Variants in CAMTA1 observed in about 807,000 individuals in gnomAD.
CAMTA1 encodes the protein calmodulin-binding transcription activator 1.
A neutral mutation model predicts 170.9 loss-of-function variants in CAMTA1; 27 were observed. That is an observed-to-expected ratio of 0.16 (90% CI 0.12 to 0.22). CAMTA1 has a LOEUF of 0.22. Among genes scored for constraint, CAMTA1 ranks in the 10% least tolerant of loss-of-function variants. CAMTA1 has a pLI of 1.00. For synonymous variants in CAMTA1, 833 were observed against 891.5 expected, an observed-to-expected ratio of 0.93 and a Z score of 1.17; for missense variants, 1,619 against 2,217.2, an observed-to-expected ratio of 0.73 and a Z score of 5.42.
chr1:7,380,044 C>T (rs1047710988), intron 5 of CAMTA1, among the ~76,000 whole-genome samples: 5 of 152,228 alleles, frequency 3.3e-5, no homozygotes, highest in African/African-American at 1.2e-4. Flanking sequence ...GTGCTGAAGA[C>T]AGGGTCTGCA....
chr1:7,206,771 C>A (rs979030029), intron 4 of CAMTA1, among the ~76,000 whole-genome samples: 4 of 152,212 alleles, frequency 2.6e-5, no homozygotes, highest in African/African-American at 9.6e-5. Flanking sequence ...TTTTTACCAA[C>A]ATTAGCTATT....
At chr1:7,118,454 G>T (rs1209997112) in intron 4 of CAMTA1, among the ~76,000 whole-genome samples, 1 of 151,578 alleles carries the variant, frequency 6.6e-6, no homozygotes, top group East Asian at 1.9e-4. Flanking sequence ...CACCATGCCT[G>T]GCTAATTAAA....
intron 4 of CAMTA1, among the ~76,000 whole-genome samples, chr1:7,192,011 C>G (rs1210764109): frequency 6.6e-6 from 1 of 151,014 alleles, no homozygotes; most frequent in Non-Finnish European, 1.5e-5. Flanking sequence ...AGATCCTCTT[C>G]CATTAGCTTG....
chr1:7,724,555 G>A (rs892458264), intron 11 of CAMTA1, among the ~76,000 whole-genome samples: 1 of 152,154 alleles, frequency 6.6e-6, no homozygotes, highest in African/African-American at 2.4e-5. Flanking sequence ...TGTATGGGCC[G>A]GGCGCGGTGG....
At chr1:6,847,543 G>T (rs964062085) in intron 3 of CAMTA1, among the ~76,000 whole-genome samples, 35 of 138,294 alleles carry the variant, frequency 2.5e-4, no homozygotes, top group South Asian at 4.7e-4. Flanking sequence ...TTTAAATTTT[G>T]TTTTTTTTTT....
At chr1:7,340,374 A>G (rs1011888314) in intron 5 of CAMTA1, among the ~76,000 whole-genome samples, 6 of 152,148 alleles carry the variant, frequency 3.9e-5, no homozygotes, top group Non-Finnish European at 8.8e-5. Context: ...AGGAAAAGGC[A>G]TGTGAAGTGC....
chr1:7,543,026 G>A (rs551255737), intron 6 of CAMTA1, among the ~76,000 whole-genome samples: 3 of 151,986 alleles, frequency 2.0e-5, no homozygotes, highest in African/African-American at 7.3e-5. Flanking sequence ...CACTACACCC[G>A]GCTAATTATT....
intron 6 of CAMTA1, among the ~76,000 whole-genome samples, chr1:7,500,696 A>G (rs759053479): frequency 1.3e-5 from 2 of 152,096 alleles, no homozygotes; most frequent in East Asian, 3.9e-4. Context: ...CCACGGCTCA[A>G]AGTCAGAGGC....
intron 4 of CAMTA1, among the ~76,000 whole-genome samples, chr1:7,200,236 TA>T (rs1402280971): frequency 6.6e-6 from 1 of 152,236 alleles, no homozygotes; most frequent in Non-Finnish European, 1.5e-5. Flanking sequence ...TATTTGAGAA[TA>T]GATTGAAGAC....
chr1:7,579,090 G>A (rs994850601), intron 6 of CAMTA1, among the ~76,000 whole-genome samples: 11 of 152,216 alleles, frequency 7.2e-5, no homozygotes, highest in African/African-American at 2.2e-4. Context: ...TACATCAAGA[G>A]GCCACATTGA....
chr1:7,378,490 A>G (rs1174029993), intron 5 of CAMTA1, among the ~76,000 whole-genome samples: 1 of 152,240 alleles, frequency 6.6e-6, no homozygotes, highest in Non-Finnish European at 1.5e-5. Flanking sequence ...TTGCTGAGTG[A>G]AAGAAGTCAG....
intron 6 of CAMTA1, among the ~76,000 whole-genome samples, chr1:7,586,111 C>T (rs1317032564): frequency 3.3e-5 from 5 of 151,790 alleles, no homozygotes; most frequent in Non-Finnish European, 5.9e-5. Context: ...AGGAGGAAGG[C>T]GCCCACTCCC....
rs113098822 is a variant in CAMTA1, at chr1:7,020,551, G to A, written c.235-70753G>A. On this transcript the variant is annotated intron_variant, in intron 3 of 22. Coordinates refer to ENST00000303635, the MANE Select transcript of CAMTA1 (RefSeq NM_015215.4). ...TGTGTCCTTGTCATTATGGGACGCA[G>A]GACTGTATAGGCAACAAACAGATAA... Among the ~76,000 whole-genome samples the A allele has an allele frequency of 2.9e-3, 446 of 152,338 alleles. 4 individuals are homozygous for A. The highest frequency in any genetic ancestry group is 0.01 in the African/African-American group (417 of 41,576).
At chr1:7,518,553 G>T (rs552171914) in intron 6 of CAMTA1, among the ~76,000 whole-genome samples, 2 of 152,004 alleles carry the variant, frequency 1.3e-5, no homozygotes, top group Admixed American at 6.5e-5. Flanking sequence ...TGAACAGAGC[G>T]TGTTGTCGGG....
intron 3 of CAMTA1, among the ~76,000 whole-genome samples, chr1:6,944,478 C>G (rs931178742): frequency 3.3e-5 from 5 of 152,148 alleles, no homozygotes; most frequent in African/African-American, 1.2e-4. Context: ...CCACACTGAG[C>G]TCCTGCTCTT....
intron 3 of CAMTA1, among the ~76,000 whole-genome samples, chr1:7,061,360 C>G (rs912205145): frequency 1.3e-5 from 2 of 152,202 alleles, no homozygotes; most frequent in African/African-American, 4.8e-5. Context: ...GTTGCTAATC[C>G]GTTGAAATAC....
At position 7,064,731 on chromosome 1, in the gene CAMTA1, G is replaced by A. The variant is rs1232973167; in HGVS notation, c.235-26573G>A. Among the ~76,000 whole-genome samples the A allele has an allele frequency of 1.3e-5, 2 of 151,782 alleles. No individual in the cohort carries two copies. Among genetic ancestry groups the A allele is most frequent in the Non-Finnish European group, 2.9e-5 (2 of 67,932 alleles). ...GAGTCCAGAGATTGCAGAGCATGCT[G>A]GTACTGGAGGGTGGGGGAGGTGGCA... On this transcript the variant is annotated intron_variant, in intron 3 of 22. Coordinates refer to ENST00000303635, the MANE Select transcript of CAMTA1 (RefSeq NM_015215.4). The surrounding 1 kb of genome is among the most constrained non-coding windows in gnomAD (Gnocchi z 5.4).
At chr1:7,498,191 A>AGTGTTGGTGT (rs1553182529) in intron 6 of CAMTA1, among the ~76,000 whole-genome samples, 5,089 of 148,570 alleles carry the variant, frequency 0.034, 201 homozygotes, top group African/African-American at 0.1. Flanking sequence ...TATGAGAGTG[A>AGTGTTGGTGT]GTGTGTGTGT....
intron 4 of CAMTA1, among the ~76,000 whole-genome samples, chr1:7,131,028 A>C (rs1645219925): frequency 6.6e-6 from 1 of 151,174 alleles, no homozygotes; most frequent in Non-Finnish European, 1.5e-5. Context: ...ATCTCGGCTC[A>C]CTGCAACCTC....
Sources: gnomAD v4.1 joint callset for allele counts (sites outside exome capture counted in the v4.1 genomes callset) on GRCh38, gnomAD v4.1.1 for gene constraint, Gnocchi (gnomAD v3.1) non-coding constraint, MANE v1.5 for transcripts, NCBI Gene and HGNC (gene_info 2026-07-23, HGNC 2026-07-21) for gene names.